The following SLC1A7 variants were observed in gnomAD, a reference collection of about 807,000 sequenced individuals.
SLC1A7 encodes solute carrier family 1 member 7, also known as excitatory amino acid transporter 5.
SLC1A7 carries 40 observed loss-of-function variants against 47.7 expected under a neutral mutation model. That is an observed-to-expected ratio of 0.84 (90% CI 0.65 to 1.09). The LOEUF is 1.09. Ranked by LOEUF, SLC1A7 falls within the 50% of genes least tolerant of loss-of-function variation. The probability of loss-of-function intolerance (pLI) is 0.00; values close to 1 mark genes in which losing one functional copy is unlikely to be tolerated. For synonymous variants in SLC1A7, 323 were observed against 325.6 expected (o/e 0.99, Z 0.09); for missense variants, 746 against 769.5 (o/e 0.97, Z 0.36).
At chr1:53,097,901 C>T (rs1204947596) in intron 5 of SLC1A7, among the ~76,000 whole-genome samples, 1 of 143,396 alleles carries the variant, frequency 7.0e-6, no homozygotes, top group Non-Finnish European at 1.5e-5. Context: ...TCAATACACT[C>T]ACACACCCCC....
At chr1:53,116,693 C>G (rs1200060963) in intron 2 of SLC1A7, among the ~76,000 whole-genome samples, 3 of 152,116 alleles carry the variant, frequency 2.0e-5, no homozygotes, top group African/African-American at 4.8e-5. Context: ...CAGAACCCCC[C>G]GCAGTGGGGT....
intron 5 of SLC1A7, among the ~76,000 whole-genome samples, chr1:53,099,646 G>A (rs368398838): frequency 2.1e-3 from 99 of 48,258 alleles, no homozygotes; most frequent in Admixed American, 6.1e-3. Flanking sequence ...CACACACCCC[G>A]TCTGAGTACA....
intron 3 of SLC1A7, among the ~76,000 whole-genome samples, chr1:53,106,146 C>T (rs1572320573): frequency 6.6e-6 from 1 of 151,792 alleles, no homozygotes; most frequent in East Asian, 1.9e-4. Context: ...CGCTGCTGCT[C>T]CGCCACACCA....
At chr1:53,110,703 G>A (rs1329335098) in intron 3 of SLC1A7, among the ~76,000 whole-genome samples, 1 of 152,136 alleles carries the variant, frequency 6.6e-6, no homozygotes, top group East Asian at 1.9e-4. Flanking sequence ...AGAAATAACA[G>A]ATCTTACAAA....
At chr1:53,088,333 A>G in intron 10 of SLC1A7, 106 bp from the exon 11 acceptor site, 2 of 935,050 alleles carry the variant, frequency 2.1e-6, no homozygotes, top group East Asian at 2.7e-5. Flanking sequence ...TAGGAACCAC[A>G]AGATGGATTT....
At chr1:53,129,823 G>A (rs1165678965) in intron 2 of SLC1A7, among the ~76,000 whole-genome samples, 1 of 117,756 alleles carries the variant, frequency 8.5e-6, no homozygotes, top group African/African-American at 3.2e-5. Context: ...CTGTCACGCT[G>A]AGTACCAGGC....
intron 2 of SLC1A7, 87 bp downstream of exon 2, chr1:53,134,263 A>T: frequency 1.1e-6 from 1 of 941,564 alleles, no homozygotes; most frequent in Admixed American, 2.1e-5. Context: ...GTTGCTCTCC[A>T]GCCACCCACA....
chr1:53,110,301 G>T (rs1016660618), intron 3 of SLC1A7, among the ~76,000 whole-genome samples: 3 of 152,190 alleles, frequency 2.0e-5, no homozygotes, highest in Non-Finnish European at 4.4e-5. Flanking sequence ...TGAGGCCACA[G>T]GTCTCCTAGG....
chr1:53,124,267 C>T (rs1012543507), intron 2 of SLC1A7, among the ~76,000 whole-genome samples: 2 of 146,090 alleles, frequency 1.4e-5, no homozygotes, highest in Non-Finnish European at 3.1e-5. Flanking sequence ...CACACACACA[C>T]ACACACACAC....
intron 3 of SLC1A7, among the ~76,000 whole-genome samples, chr1:53,107,732 G>A (rs1362394765): frequency 6.6e-6 from 1 of 152,128 alleles, no homozygotes; most frequent in African/African-American, 2.4e-5. Context: ...CAGAATATCA[G>A]CTCCCTGGAG....
At chr1:53,119,704 C>T (rs549727144) in intron 2 of SLC1A7, among the ~76,000 whole-genome samples, 19 of 152,220 alleles carry the variant, frequency 1.2e-4, no homozygotes, top group African/African-American at 4.6e-4. Flanking sequence ...AGTTCAATCT[C>T]GGAGTTCACA....
chr1:53,115,050 C>G, intron 2 of SLC1A7, 77 bp from the exon 3 acceptor site: 2 of 1,128,446 alleles, frequency 1.8e-6, no homozygotes, highest in Admixed American at 3.9e-5. Flanking sequence ...CTCAGCCCCT[C>G]CTGGCCATGT....
At chr1:53,098,141 C>T (rs1395049466) in intron 5 of SLC1A7, among the ~76,000 whole-genome samples, 3 of 150,028 alleles carry the variant, frequency 2.0e-5, no homozygotes, top group Non-Finnish European at 3.0e-5. Flanking sequence ...ACACACACCA[C>T]GTCTTGGTAA....
chr1:53,113,590 C>T (rs908820724), intron 3 of SLC1A7, among the ~76,000 whole-genome samples: 3 of 152,080 alleles, frequency 2.0e-5, no homozygotes, highest in African/African-American at 4.8e-5. Flanking sequence ...TGCCCCCTTC[C>T]CCATCCCCAG....
chr1:53,127,821 A>C (rs1644899477), intron 2 of SLC1A7, among the ~76,000 whole-genome samples: 1 of 152,146 alleles, frequency 6.6e-6, no homozygotes, highest in African/African-American at 2.4e-5. Flanking sequence ...AGCCATGGGG[A>C]ATCACTTCTG....
chr1:53,093,337 C>T (rs1644446681), intron 6 of SLC1A7, 124 bp downstream of exon 6: 3 of 795,392 alleles, frequency 3.8e-6, no homozygotes, highest in Non-Finnish European at 6.0e-6. Flanking sequence ...TCCGGAGGCC[C>T]CGGCCCAGGG....
intron 2 of SLC1A7, among the ~76,000 whole-genome samples, chr1:53,116,803 A>G (rs1644767062): frequency 1.3e-5 from 2 of 152,226 alleles, no homozygotes; most frequent in South Asian, 2.1e-4. Context: ...ACTCAGGGCC[A>G]GACCCAGGCC....
At position 53,092,630 on chromosome 1, in the gene SLC1A7, T is replaced by C; in HGVS notation, c.955A>G (p.Ile319Val). 6 of 1,614,108 alleles carry C rather than the reference T, an allele frequency of 3.7e-6. No homozygotes were observed. Among genetic ancestry groups the C allele is most frequent in the Non-Finnish European group, 5.1e-6 (6 of 1,179,982 alleles). Residue 319 changes from isoleucine (I) to valine (V), a missense_variant, in exon 7 of 11, where the codon ATC becomes GTC. By Grantham distance (29) the Ile-to-Val change is conservative. Coordinates refer to ENST00000371494, the MANE Select transcript of SLC1A7 (RefSeq NM_006671.6). Reference protein sequence around the residue: ...LFILPLLYFFITKKNPIVFIR... With the variant: ...LFILPLLYFFVTKKNPIVFIR... Reference sequence around the variant, plus strand: ...AAGACGATGGGATTCTTCTTGGTGATGAAGAAGTAGAGCAGGGGCAGGATA... The same window carrying C: ...AAGACGATGGGATTCTTCTTGGTGACGAAGAAGTAGAGCAGGGGCAGGATA...
chr1:53,089,121 C>T, intron 9 of SLC1A7, 142 bp from the exon 10 acceptor site: 1 of 684,914 alleles, frequency 1.5e-6, no homozygotes, highest in Non-Finnish European at 2.6e-6. Context: ...TGGCTCCTCC[C>T]AAGCCCACCC....
Sources: gnomAD v4.1 joint callset for allele counts (sites outside exome capture counted in the v4.1 genomes callset) on GRCh38, gnomAD v4.1.1 for gene constraint, MANE v1.5 for transcripts, NCBI Gene and HGNC (gene_info 2026-07-23, HGNC 2026-07-21) for gene names.